The following MACROD2 variants were observed in gnomAD, a reference collection of about 807,000 sequenced individuals.
MACROD2 encodes ADP-ribose glycohydrolase MACROD2.
A neutral mutation model predicts 70.4 loss-of-function variants in MACROD2; 36 were observed. That is an observed-to-expected ratio of 0.51 (90% CI 0.39 to 0.68). The LOEUF is 0.68. Ranked by LOEUF, MACROD2 falls within the 30% of genes least tolerant of loss-of-function variation. The pLI, the probability that MACROD2 is intolerant of heterozygous loss-of-function variation, is 0.00. For synonymous variants in MACROD2, 172 were observed against 178.8 expected (o/e 0.96, Z 0.30); for missense variants, 496 against 538.4 (o/e 0.92, Z 0.78).
chr20:15,109,141 C>T (rs2075934994), intron 5 of MACROD2, among the ~76,000 whole-genome samples: 1 of 152,300 alleles, frequency 6.6e-6, no homozygotes, highest in South Asian at 2.1e-4. Flanking sequence ...CAGAGACCAT[C>T]TGGTTCACAG....
chr20:14,110,948 G>T (rs996354886), intron 3 of MACROD2, among the ~76,000 whole-genome samples: 1 of 151,902 alleles, frequency 6.6e-6, no homozygotes, highest in Non-Finnish European at 1.5e-5. Context: ...AGCAAAAACT[G>T]GAAGAATCAC....
chr20:14,520,477 G>GT (rs11087094), intron 4 of MACROD2, among the ~76,000 whole-genome samples: 119,357 of 149,798 alleles, frequency 0.8, 47,924 homozygotes, highest in East Asian at 1. Context: ...ACTGTTTGAG[G>GT]TTTTTTTTGT....
intron 5 of MACROD2, among the ~76,000 whole-genome samples, chr20:14,987,440 G>A (rs555985926): frequency 1.7e-4 from 26 of 152,104 alleles, no homozygotes; most frequent in South Asian, 8.3e-4. Context: ...TTTTTCACTC[G>A]ACTTGGCTCA....
chr20:14,082,468 A>G (rs889789942), intron 2 of MACROD2, among the ~76,000 whole-genome samples: 1 of 151,234 alleles, frequency 6.6e-6, no homozygotes, highest in Non-Finnish European at 1.5e-5. Flanking sequence ...TTGGGATTAC[A>G]GGCGTGAGCC....
chr20:14,858,440 C>T (rs1177209219), intron 5 of MACROD2, among the ~76,000 whole-genome samples: 1 of 152,000 alleles, frequency 6.6e-6, no homozygotes, highest in Non-Finnish European at 1.5e-5. Context: ...TACTGTGTGA[C>T]TTTGTGGTAG....
chr20:14,518,011 A>G (rs2085122167), intron 4 of MACROD2, among the ~76,000 whole-genome samples: 2 of 152,020 alleles, frequency 1.3e-5, no homozygotes, highest in Non-Finnish European at 2.9e-5. Flanking sequence ...TCATTAATTG[A>G]ATTTTAAAAT....
At chr20:15,815,984 G>A (rs1397554934) in intron 8 of MACROD2, among the ~76,000 whole-genome samples, 1 of 152,018 alleles carries the variant, frequency 6.6e-6, no homozygotes, top group East Asian at 1.9e-4. Context: ...CATCAGAAAA[G>A]CTATCTTTCC....
chr20:14,936,656 A>G (rs1299250910), intron 5 of MACROD2, among the ~76,000 whole-genome samples: 1 of 152,106 alleles, frequency 6.6e-6, no homozygotes, highest in East Asian at 1.9e-4. Flanking sequence ...ATGCAAATAA[A>G]ATGTTGCAAT....
At chr20:14,448,268 A>G (rs2084205656) in intron 3 of MACROD2, among the ~76,000 whole-genome samples, 2 of 151,938 alleles carry the variant, frequency 1.3e-5, no homozygotes, top group East Asian at 1.9e-4. Context: ...CTAAATTGAG[A>G]CTCTGTTCAG....
At chr20:14,044,423 G>C (rs1380016783) in intron 2 of MACROD2, among the ~76,000 whole-genome samples, 1 of 152,174 alleles carries the variant, frequency 6.6e-6, no homozygotes, top group African/African-American at 2.4e-5. Flanking sequence ...GGGGACCTGA[G>C]CGGGTTGCCA....
At chr20:14,772,087 C>A (rs925447372) in intron 5 of MACROD2, among the ~76,000 whole-genome samples, 4 of 151,968 alleles carry the variant, frequency 2.6e-5, no homozygotes, top group African/African-American at 9.7e-5. Context: ...TAGAAAGAGA[C>A]AATAAATGTT....
intron 8 of MACROD2, among the ~76,000 whole-genome samples, chr20:15,755,562 C>T (rs1480907396): frequency 6.6e-6 from 1 of 152,158 alleles, no homozygotes; most frequent in African/African-American, 2.4e-5. Flanking sequence ...GGCTCAAAAA[C>T]CTCCCAGGCA....
chr20:14,415,562 G>C (rs2083794392), intron 3 of MACROD2, among the ~76,000 whole-genome samples: 1 of 152,070 alleles, frequency 6.6e-6, no homozygotes, highest in Admixed American at 6.6e-5. Context: ...AACATTTCCT[G>C]GACTCAGAAG....
At chr20:14,268,657 G>A (rs2082165012) in intron 3 of MACROD2, among the ~76,000 whole-genome samples, 1 of 152,032 alleles carries the variant, frequency 6.6e-6, no homozygotes, top group Non-Finnish European at 1.5e-5. Flanking sequence ...AGAAACACCA[G>A]GACTAATTCT....
chr20:15,577,274 C>T (rs2048461448), intron 8 of MACROD2, among the ~76,000 whole-genome samples: 1 of 152,014 alleles, frequency 6.6e-6, no homozygotes, highest in Admixed American at 6.6e-5. Flanking sequence ...ACACCTATTG[C>T]CAGCTCCACC....
chr20:15,364,713 A>G (rs2045382024), intron 6 of MACROD2, among the ~76,000 whole-genome samples: 1 of 152,156 alleles, frequency 6.6e-6, no homozygotes, highest in African/African-American at 2.4e-5. Context: ...CTCCTTTTCC[A>G]ATGAGATAAT....
chr20:15,566,316 C>A (rs2048309694), intron 8 of MACROD2, among the ~76,000 whole-genome samples: 1 of 151,784 alleles, frequency 6.6e-6, no homozygotes, highest in Non-Finnish European at 1.5e-5. Flanking sequence ...AAACCCACCC[C>A]CCACCGTCTC....
intron 5 of MACROD2, among the ~76,000 whole-genome samples, chr20:14,949,563 G>C (rs138834304): frequency 6.6e-6 from 1 of 152,280 alleles, no homozygotes; most frequent in East Asian, 1.9e-4. Context: ...CAAGCTAACA[G>C]TTAATAAAAA....
At position 14,045,416 on chromosome 20, in the gene MACROD2, A is replaced by G. The variant is rs375971624; in HGVS notation, c.164-40205A>G. On this transcript the variant is annotated intron_variant, in intron 2 of 17. Coordinates refer to ENST00000684519, the MANE Select transcript of MACROD2 (RefSeq NM_001351661.2). The stretch of plus-strand genomic sequence containing the variant: ...GAAAAGTTTCCACTAAAAACTTGTG[A>G]CCATTAGCCTGCCTTCATAAGGGTA... Among the ~76,000 whole-genome samples the G allele has an allele frequency of 7.9e-5, 12 of 152,340 alleles. No individual in the cohort carries two copies. In the East Asian group the frequency reaches 1.7e-3, roughly 22 times the overall value.
Sources: allele counts gnomAD v4.1 joint callset (sites outside exome capture counted in the v4.1 genomes callset), GRCh38; gene constraint gnomAD v4.1.1; transcripts MANE v1.5; gene names NCBI Gene and HGNC (gene_info 2026-07-23, HGNC 2026-07-21).